The following ANTXR1 variants were observed in gnomAD, a reference collection of about 807,000 sequenced individuals.
ANTXR1 encodes the protein ANTXR cell adhesion molecule 1.
A neutral mutation model predicts 78.1 loss-of-function variants in ANTXR1; 19 were observed. The observed-to-expected ratio is 0.24, with a 90% CI of 0.17 to 0.36. The LOEUF (loss-of-function observed/expected upper bound fraction) is 0.36, where lower values mean the gene tolerates loss of function less well. Among genes scored for constraint, ANTXR1 ranks in the 10% least tolerant of loss-of-function variants. The pLI, the probability that ANTXR1 is intolerant of heterozygous loss-of-function variation, is 1.00. For missense variants in ANTXR1, 518 were observed against 718.6 expected (o/e 0.72, Z 3.19); for synonymous variants, 273 against 260.5 (o/e 1.05, Z -0.46).
intron 14 of ANTXR1, among the ~76,000 whole-genome samples, chr2:69,178,552 C>CGGCAAGAGGGAGGGGCCAGG (rs373303404): frequency 6.6e-5 from 10 of 151,432 alleles, no homozygotes; most frequent in Non-Finnish European, 1.0e-4. Context: ...GAGGGGCCAG[C>CGGCAAGAGGGAGGGGCCAGG]GGCAAGAGGG....
intron 3 of ANTXR1, among the ~76,000 whole-genome samples, chr2:69,061,168 G>T (rs950743808): frequency 6.6e-6 from 1 of 152,192 alleles, no homozygotes; most frequent in East Asian, 1.9e-4. Context: ...AATATTGATT[G>T]TTTAAAAGCT....
intron 16 of ANTXR1, among the ~76,000 whole-genome samples, chr2:69,189,438 C>G (rs1372110765): frequency 1.3e-5 from 2 of 152,222 alleles, no homozygotes; most frequent in Non-Finnish European, 2.9e-5. Context: ...GTAACTTACC[C>G]AAATTCACAC....
intron 14 of ANTXR1, among the ~76,000 whole-genome samples, chr2:69,178,552 C>A (rs377251650): frequency 6.6e-6 from 1 of 151,316 alleles, no homozygotes; most frequent in Non-Finnish European, 1.5e-5. Context: ...GAGGGGCCAG[C>A]GGCAAGAGGG....
chr2:69,116,279 C>T (rs1672141498), intron 10 of ANTXR1, among the ~76,000 whole-genome samples: 1 of 152,198 alleles, frequency 6.6e-6, no homozygotes, highest in African/African-American at 2.4e-5. Context: ...TGAGGCAGCC[C>T]CAGTTGGGCA....
intron 13 of ANTXR1, among the ~76,000 whole-genome samples, chr2:69,159,931 A>G (rs1673632760): frequency 6.6e-6 from 1 of 152,276 alleles, no homozygotes; most frequent in African/African-American, 2.4e-5. Context: ...AAAGCATTAA[A>G]ATAATGTTCT....
intron 3 of ANTXR1, among the ~76,000 whole-genome samples, chr2:69,064,824 G>A (rs148536220): frequency 1.2e-4 from 19 of 152,288 alleles, no homozygotes; most frequent in Admixed American, 1.2e-3. Flanking sequence ...ATTAGAAAAT[G>A]TATCCAACAA....
In ANTXR1 at chr2:69,177,432, GCA is replaced by G. The variant is rs539094794; in HGVS notation, c.1090-4352_1090-4351del. 6.5e-3 allele frequency among the ~76,000 whole-genome samples: 990 copies of G among 152,328 alleles called. 5 individuals are homozygous for G. Among genetic ancestry groups the G allele is most frequent in the African/African-American group, 0.022 (928 of 41,574 alleles). ...TCTACAGCTGTTTCTTCCTCGAACA[GCA>G]CTGTGCCTGCAGGCACACCCAGGTC... is the stretch of plus-strand genomic sequence containing the variant. On this transcript the variant is annotated intron_variant, in intron 14 of 17. Transcript: ENST00000303714.
chr2:69,229,878 G>T (rs1312127428), intron 17 of ANTXR1, among the ~76,000 whole-genome samples: 2 of 152,106 alleles, frequency 1.3e-5, no homozygotes. Context: ...CATTGGACTT[G>T]ATGCCATTGA....
At chr2:69,133,517 G>C (rs1172961492) in intron 12 of ANTXR1, among the ~76,000 whole-genome samples, 1 of 152,214 alleles carries the variant, frequency 6.6e-6, no homozygotes, top group Non-Finnish European at 1.5e-5. Flanking sequence ...TGGGCAACGG[G>C]AAGCCATTTG....
At chr2:69,162,293 T>C (rs947520954) in intron 13 of ANTXR1, among the ~76,000 whole-genome samples, 4 of 152,054 alleles carry the variant, frequency 2.6e-5, no homozygotes, top group African/African-American at 4.8e-5. Flanking sequence ...CCATAAAAGT[T>C]TGGGAGTTGA....
intron 12 of ANTXR1, 28 bp downstream of exon 12, chr2:69,124,671 A>C: frequency 6.2e-7 from 1 of 1,607,294 alleles, no homozygotes; most frequent in Non-Finnish European, 8.5e-7. Flanking sequence ...CCTTTACTAA[A>C]GATCTCATTA....
chr2:69,180,734 C>A (rs900272461), intron 14 of ANTXR1, among the ~76,000 whole-genome samples: 10 of 152,148 alleles, frequency 6.6e-5, no homozygotes, highest in Non-Finnish European at 1.5e-4. Context: ...CTCTGTGGAA[C>A]GTACGTTCTA....
At chr2:69,023,649 A>C (rs1671262786) in intron 1 of ANTXR1, among the ~76,000 whole-genome samples, 1 of 152,204 alleles carries the variant, frequency 6.6e-6, no homozygotes, top group African/African-American at 2.4e-5. Context: ...GATAAGGAAT[A>C]TATCAGTTCA....
chr2:69,213,845 C>G (rs1394363862), intron 17 of ANTXR1, among the ~76,000 whole-genome samples: 1 of 152,274 alleles, frequency 6.6e-6, no homozygotes, highest in Non-Finnish European at 1.5e-5. Context: ...TTCCAGTCAA[C>G]ATTCCCTGTG....
intron 17 of ANTXR1, among the ~76,000 whole-genome samples, chr2:69,236,098 C>G (rs964688592): frequency 1.3e-5 from 2 of 152,128 alleles, no homozygotes; most frequent in African/African-American, 4.8e-5. Context: ...TTCTCTTTCT[C>G]GACACGTGGG....
At position 69,093,950 on chromosome 2, in the gene ANTXR1, T is replaced by C. The variant is rs557817998; in HGVS notation, c.703+3031T>C. Among the ~76,000 whole-genome samples, 20 of 152,318 alleles carry C rather than the reference T, an allele frequency of 1.3e-4. No homozygotes were observed. The South Asian group carries it at 3.9e-3, about 30-fold the overall frequency. On this transcript the variant is annotated intron_variant, in intron 9 of 17. Coordinates refer to ENST00000303714, the MANE Select transcript of ANTXR1 (RefSeq NM_032208.3). ...AAAAGGCAAGCTCCCACCTCTCAAA[T>C]TCAAGTCGTAAGGGTTTAAACATGC...
intron 12 of ANTXR1, among the ~76,000 whole-genome samples, chr2:69,125,517 G>A (rs1180361630): frequency 2.0e-5 from 3 of 152,130 alleles, no homozygotes; most frequent in Non-Finnish European, 2.9e-5. Context: ...CCTGTCAGGG[G>A]GCAGTCAGGG....
chr2:69,013,564 T>C lies in ANTXR1; in HGVS notation c.65T>C (p.Val22Ala). ...GFQWLSLATLVLICAGQGGRR... is the reference protein window; with the variant it reads ...GFQWLSLATLALICAGQGGRR... ...CAGTGGCTCTCTTTGGCCACTCTGG[T>C]GCTCATCTGCGCCGGGCAAGGGGGA... is the stretch of plus-strand genomic sequence containing the variant. The change falls in exon 1 of 18, where the codon GTG becomes GCG. Residue 22 changes from valine (V) to alanine (A), a missense_variant. This residue lies in a region of ANTXR1 where 55 missense variants were observed against 52.5 expected (regional missense o/e 1.05). Coordinates refer to ENST00000303714, the MANE Select transcript of ANTXR1 (RefSeq NM_032208.3). The surrounding 1 kb of genome is among the most constrained non-coding windows in gnomAD (Gnocchi z 5.0). 1.3e-6 allele frequency: 2 copies of C among 1,575,786 alleles called. No homozygotes were observed. Among genetic ancestry groups the C allele is most frequent in the Non-Finnish European group, 1.7e-6 (2 of 1,161,044 alleles).
chr2:69,026,792 T>C (rs1331690620), intron 1 of ANTXR1, among the ~76,000 whole-genome samples: 1 of 152,202 alleles, frequency 6.6e-6, no homozygotes, highest in Admixed American at 6.5e-5. Flanking sequence ...ATCTGGAGCA[T>C]AAACAGTTAG....
Sources: gnomAD v4.1 joint callset for allele counts (sites outside exome capture counted in the v4.1 genomes callset) on GRCh38, gnomAD v4.1.1 for gene constraint, gnomAD v4.1.1 regional missense constraint, Gnocchi (gnomAD v3.1) non-coding constraint, MANE v1.5 for transcripts, NCBI Gene and HGNC (gene_info 2026-07-23, HGNC 2026-07-21) for gene names.